DNAH5: variants seen among roughly 807,000 people sequenced by gnomAD.
The protein encoded by DNAH5 is dynein axonemal heavy chain 5, also known as axonemal beta dynein heavy chain 5.
In DNAH5, 372 loss-of-function variants were observed where a neutral mutation model predicts 518.2. The ratio of observed to expected loss-of-function variants is 0.72; its 90% CI spans 0.66 to 0.78. DNAH5 has a LOEUF of 0.78. Ranked by LOEUF, DNAH5 falls within the 30% of genes least tolerant of loss-of-function variation. The pLI is 0.00. For synonymous variants in DNAH5, 2,039 were observed against 2,025.9 expected (o/e 1.01, Z -0.17); for missense variants, 5,523 against 5,687.0 (o/e 0.97, Z 0.93).
intron 57 of DNAH5, 105 bp from the exon 58 acceptor site, chr5:13,769,241 TTTG>T: frequency 3.2e-5 from 40 of 1,267,954 alleles, no homozygotes; most frequent in Non-Finnish European, 3.9e-5. Context: ...CTTACCCAGT[TTTG>T]TTGTTTTTTT....
chr5:13,865,382 A>T (rs35104396), intron 27 of DNAH5, among the ~76,000 whole-genome samples: 2 of 152,024 alleles, frequency 1.3e-5, no homozygotes, highest in African/African-American at 4.8e-5. Context: ...TCTGACATTA[A>T]CTTCAAATGT....
In DNAH5 at chr5:13,809,321, A is replaced by C; in HGVS notation, c.7610-135T>G. On this transcript the variant is annotated intron_variant, in intron 45 of 78. Transcript: ENST00000265104. ...AAAATGAAGATCATTAAAATTAGAGATCTAAGTACACAAGTATGTGTTAGC... is the reference window on the plus strand; with the variant it reads ...AAAATGAAGATCATTAAAATTAGAGCTCTAAGTACACAAGTATGTGTTAGC... 4.6e-6 allele frequency: 5 copies of C among 1,080,670 alleles called. No individual in the cohort carries two copies. The Admixed American group carries it at 9.3e-5, about 20-fold the overall frequency. 66.9% of individuals were successfully genotyped at this position (1,080,670 alleles called of 1,614,324 possible).
intron 21 of DNAH5, among the ~76,000 whole-genome samples, chr5:13,877,830 C>T (rs560446560): frequency 6.6e-6 from 1 of 152,290 alleles, no homozygotes; most frequent in African/African-American, 2.4e-5. Flanking sequence ...GGATTAGACA[C>T]ACAAGAGTCT....
At chr5:13,986,099 G>T (rs940036834) in intron 1 of DNAH5, among the ~76,000 whole-genome samples, 2 of 152,210 alleles carry the variant, frequency 1.3e-5, no homozygotes, top group African/African-American at 4.8e-5. Context: ...GAGACCTGGA[G>T]ACATCCCCAG....
intron 31 of DNAH5, among the ~76,000 whole-genome samples, chr5:13,846,757 C>A (rs1766064587): frequency 6.6e-6 from 1 of 152,192 alleles, no homozygotes; most frequent in South Asian, 2.1e-4. Context: ...CTCAGTAAAA[C>A]AAGCTCTTGC....
chr5:13,816,228 G>A (rs1008458198), intron 42 of DNAH5, among the ~76,000 whole-genome samples: 1 of 152,176 alleles, frequency 6.6e-6, no homozygotes, highest in African/African-American at 2.4e-5. Flanking sequence ...GTCATACGAG[G>A]AGATACTTGG....
At chr5:13,939,439 T>C (rs1017294574) in intron 1 of DNAH5, among the ~76,000 whole-genome samples, 1 of 152,152 alleles carries the variant, frequency 6.6e-6, no homozygotes, top group Non-Finnish European at 1.5e-5. Flanking sequence ...GCCTCCCGTT[T>C]TATTTTGTTG....
chr5:13,718,805 A>G (rs1744647530), intron 72 of DNAH5, 77 bp downstream of exon 72: 2 of 1,227,762 alleles, frequency 1.6e-6, no homozygotes, highest in African/African-American at 3.0e-5. Context: ...TATCCTAGCT[A>G]ATCCTTTTAT....
intron 15 of DNAH5, chr5:13,898,604 T>C (rs1268159414): frequency 5.0e-6 from 2 of 398,518 alleles, no homozygotes; most frequent in African/African-American, 4.1e-5. Flanking sequence ...CTAAATCTTT[T>C]AACTTCTCTA....
Position 13,701,303 on chromosome 5 carries a change from A to C in DNAH5, c.13472T>G (p.Phe4491Cys). Residue 4491 changes from phenylalanine to cysteine, a missense_variant, in exon 77 of 79, where the codon TTT becomes TGT. Transcript: ENST00000265104. ...TCTTACCTGTCGCATTGCAGTTAAA[A>C]ATCCCTGGGGGTTAAAAAAACCCGT... ...WMTGFFNPQG[F>C]LTAMRQEITR... 6.2e-7 allele frequency: 1 copy of C among 1,614,098 alleles called. No individual in the cohort carries two copies. The highest frequency in any genetic ancestry group is 8.5e-7 in the Non-Finnish European group (1 of 1,179,984).
Position 13,810,313 on chromosome 5 carries a change from T to C in DNAH5, c.7408-53A>G, listed in dbSNP as rs898157016. 3.2e-5 allele frequency: 48 copies of C among 1,478,578 alleles called. No homozygotes were observed. In the African/African-American group the frequency reaches 5.6e-4, roughly 17 times the overall value. The allele number at this position is 1,478,578 out of a possible 1,614,324, so 91.6% of individuals were successfully genotyped here. Reference sequence around the variant, plus strand: ...TAACTTGATTCTGAAACCCAAACGTTGCTCTAGGGTTTCAATGGGAACAGT... The same window carrying C: ...TAACTTGATTCTGAAACCCAAACGTCGCTCTAGGGTTTCAATGGGAACAGT... On this transcript the variant is annotated intron_variant, in intron 44 of 78. Coordinates refer to ENST00000265104, the MANE Select transcript of DNAH5 (RefSeq NM_001369.3).
intron 74 of DNAH5, 45 bp downstream of exon 74, chr5:13,716,442 G>A: frequency 7.1e-7 from 1 of 1,406,866 alleles, no homozygotes; most frequent in Non-Finnish European, 1.0e-6. Context: ...AACTCAAGTG[G>A]CTACAGATAT....
Position 13,922,117 on chromosome 5 carries a change from A to C in DNAH5, c.650T>G (p.Leu217Arg). 1 of 1,614,078 alleles carries C rather than the reference A, an allele frequency of 6.2e-7. No homozygotes were observed. The highest frequency in any genetic ancestry group is 8.5e-7 in the Non-Finnish European group (1 of 1,179,994). The change falls in exon 5 of 79, where the codon CTG (leucine) becomes CGG (arginine). Residue 217 changes from leucine (L) to arginine (R), a missense_variant. Coordinates refer to ENST00000265104, the MANE Select transcript of DNAH5 (RefSeq NM_001369.3). Reference sequence around the variant, plus strand: ...CTTATTCGTCCTCACCTTCTCCTTCAGACTCTCCTGTGCACCCGACAGGAC... The same window carrying C: ...CTTATTCGTCCTCACCTTCTCCTTCCGACTCTCCTGTGCACCCGACAGGAC... ...VNVLSGAQES[L>R]KEKVNLRKCD...
chr5:13,801,497 G>T (rs141104971), intron 47 of DNAH5, among the ~76,000 whole-genome samples: 9 of 152,166 alleles, frequency 5.9e-5, no homozygotes, highest in Non-Finnish European at 1.0e-4. Context: ...CCAATCACAA[G>T]TTCTGGTAGT....
Position 13,769,632 on chromosome 5 carries a change from A to T in DNAH5, c.9606-17T>A. ...GTATTCATTCTGGGATTGAAAATCC[A>T]AGCAAGCAATGTTAAAATGTGTAGG... On this transcript the variant is annotated splice_polypyrimidine_tract_variant and intron_variant, in intron 56 of 78. Coordinates refer to ENST00000265104, the MANE Select transcript of DNAH5 (RefSeq NM_001369.3). 1 of 1,599,084 alleles carries T rather than the reference A, an allele frequency of 6.3e-7. No individual in the cohort carries two copies. The highest frequency in any genetic ancestry group is 8.6e-7 in the Non-Finnish European group (1 of 1,166,388).
intron 5 of DNAH5, 83 bp from the exon 6 acceptor site, chr5:13,920,700 C>T: frequency 6.6e-7 from 1 of 1,517,074 alleles, no homozygotes; most frequent in Non-Finnish European, 9.1e-7. Flanking sequence ...CACTTTGCTG[C>T]ACTCTGACAG....
intron 67 of DNAH5, 126 bp from the exon 68 acceptor site, chr5:13,735,447 A>G: frequency 2.3e-6 from 2 of 851,296 alleles, no homozygotes; most frequent in Middle Eastern, 3.3e-4. Flanking sequence ...ACATCAAGAG[A>G]AAGCCTCCTA....
At chr5:13,714,794 A>G (rs971521301) in intron 74 of DNAH5, among the ~76,000 whole-genome samples, 174 bp from the exon 75 acceptor site, 1 of 152,268 alleles carries the variant, frequency 6.6e-6, no homozygotes, top group Non-Finnish European at 1.5e-5. Context: ...TCCTTTAAAA[A>G]AACAATTAAC....
intron 31 of DNAH5, among the ~76,000 whole-genome samples, chr5:13,845,695 T>C (rs1204866721): frequency 6.6e-6 from 1 of 152,228 alleles, no homozygotes; most frequent in Non-Finnish European, 1.5e-5. Context: ...CTTCATTTTC[T>C]AGCATATTTT....
Sources: gnomAD v4.1 joint callset for allele counts (sites outside exome capture counted in the v4.1 genomes callset) on GRCh38, gnomAD v4.1.1 for gene constraint, MANE v1.5 for transcripts, NCBI Gene and HGNC (gene_info 2026-07-23, HGNC 2026-07-21) for gene names.